CTNNA3: variants seen among roughly 807,000 people sequenced by gnomAD.
CTNNA3 encodes catenin alpha-3.
Under a neutral mutation model 95.7 loss-of-function variants are expected in CTNNA3, and 76 were observed. The ratio of observed to expected loss-of-function variants is 0.79; its 90% confidence interval spans 0.66 to 0.96. The LOEUF is 0.96. CTNNA3 is among the 40% of genes least tolerant of loss of function. The probability of loss-of-function intolerance (pLI) is 0.00; values close to 1 mark genes in which losing one functional copy is unlikely to be tolerated. For synonymous variants in CTNNA3, 431 were observed against 374.4 expected (o/e 1.15, Z -1.74); for missense variants, 1,191 against 1,089.8 (o/e 1.09, Z -1.31).
At chr10:66,659,177 A>C (rs545682038) in intron 9 of CTNNA3, among the ~76,000 whole-genome samples, 7 of 135,468 alleles carry the variant, frequency 5.2e-5, no homozygotes, top group Non-Finnish European at 7.7e-5. Context: ...AAAATAATTA[A>C]GAAAACACAC....
At chr10:67,744,954 A>G (rs1200777381) in intron 1 of CTNNA3, among the ~76,000 whole-genome samples, 4 of 152,118 alleles carry the variant, frequency 2.6e-5, no homozygotes, top group Non-Finnish European at 5.9e-5. Context: ...CAAAACCACA[A>G]TGAGATACCA....
chr10:66,588,458 C>A (rs545374411), intron 10 of CTNNA3, among the ~76,000 whole-genome samples: 59 of 152,042 alleles, frequency 3.9e-4, no homozygotes, highest in Non-Finnish European at 5.9e-4. Flanking sequence ...AACCACTGGG[C>A]CATTTTAAAT....
At chr10:67,400,207 A>G (rs984615994) in intron 5 of CTNNA3, among the ~76,000 whole-genome samples, 9 of 152,176 alleles carry the variant, frequency 5.9e-5, no homozygotes, top group Non-Finnish European at 1.2e-4. Flanking sequence ...CAAGATGCCA[A>G]TAAGAATTTT....
chr10:67,165,391 A>T (rs1861723387), intron 7 of CTNNA3, among the ~76,000 whole-genome samples: 1 of 152,126 alleles, frequency 6.6e-6, no homozygotes, highest in African/African-American at 2.4e-5. Context: ...GGCAGGTGTG[A>T]TTGGAAAGTG....
chr10:66,104,233 C>T (rs562072112), intron 13 of CTNNA3, among the ~76,000 whole-genome samples: 117 of 152,062 alleles, frequency 7.7e-4, no homozygotes, highest in Non-Finnish European at 1.0e-3. Flanking sequence ...GGCTGGATTC[C>T]CTGCCAAGTG....
At chr10:66,317,202 G>C (rs1025641405) in intron 12 of CTNNA3, among the ~76,000 whole-genome samples, 2 of 152,028 alleles carry the variant, frequency 1.3e-5, no homozygotes, top group African/African-American at 4.8e-5. Context: ...AAAATACAGA[G>C]AAAATGGTGA....
chr10:66,033,094 C>A (rs1444125504), intron 15 of CTNNA3, among the ~76,000 whole-genome samples: 4 of 151,498 alleles, frequency 2.6e-5, no homozygotes, highest in Non-Finnish European at 5.9e-5. Flanking sequence ...GGAAGTTACA[C>A]TGATTCAGCT....
intron 9 of CTNNA3, among the ~76,000 whole-genome samples, chr10:66,683,825 G>T (rs1214553932): frequency 2.6e-5 from 4 of 152,098 alleles, no homozygotes; most frequent in Admixed American, 6.6e-5. Flanking sequence ...AAGAAAGATG[G>T]GAAGTGTGAG....
chr10:66,621,393 G>T (rs547697714), intron 10 of CTNNA3, among the ~76,000 whole-genome samples: 1 of 151,956 alleles, frequency 6.6e-6, no homozygotes, highest in Non-Finnish European at 1.5e-5. Context: ...GGAGGCCGAG[G>T]TGGGCAGATC....
chr10:66,621,540 C>T (rs530423626), intron 10 of CTNNA3, 152 bp downstream of exon 10: 521 of 479,714 alleles, frequency 1.1e-3, no homozygotes, highest in Non-Finnish European at 1.7e-3. Flanking sequence ...TGCAGTCAGT[C>T]GAGATTGCGC....
At chr10:67,007,817 CAT>C (rs1350881604) in intron 7 of CTNNA3, among the ~76,000 whole-genome samples, 1 of 151,390 alleles carries the variant, frequency 6.6e-6, no homozygotes, top group Non-Finnish European at 1.5e-5. Flanking sequence ...TTACACATAA[CAT>C]AAAAACCATT....
chr10:66,076,648 A>G (rs1159091283), intron 14 of CTNNA3, among the ~76,000 whole-genome samples: 1 of 151,694 alleles, frequency 6.6e-6, no homozygotes, highest in Non-Finnish European at 1.5e-5. Flanking sequence ...TTATTATAAA[A>G]CTTTATAGGC....
chr10:66,447,507 C>A (rs1167023136), intron 11 of CTNNA3, among the ~76,000 whole-genome samples: 2 of 149,726 alleles, frequency 1.3e-5, no homozygotes, highest in Non-Finnish European at 3.0e-5. Flanking sequence ...ACAGAGCCCT[C>A]AGAAATAATG....
At chr10:66,348,165 C>T (rs1053600228) in intron 12 of CTNNA3, among the ~76,000 whole-genome samples, 1 of 152,088 alleles carries the variant, frequency 6.6e-6, no homozygotes, top group African/African-American at 2.4e-5. Flanking sequence ...CCTGTCTACT[C>T]TTTCTTCAGT....
intron 3 of CTNNA3, among the ~76,000 whole-genome samples, chr10:67,570,949 G>A (rs1841954746): frequency 6.6e-6 from 1 of 152,120 alleles, no homozygotes. Flanking sequence ...TGATAAATTT[G>A]GAATAAACCT....
intron 10 of CTNNA3, among the ~76,000 whole-genome samples, chr10:66,579,484 C>G (rs1741052097): frequency 6.6e-6 from 1 of 151,766 alleles, no homozygotes; most frequent in Non-Finnish European, 1.5e-5. Flanking sequence ...ACCACTATAA[C>G]TCTAAAGTAT....
At chr10:67,111,810 A>G (rs937871289) in intron 7 of CTNNA3, among the ~76,000 whole-genome samples, 1 of 152,130 alleles carries the variant, frequency 6.6e-6, no homozygotes, top group Non-Finnish European at 1.5e-5. Context: ...CAAAGTATCC[A>G]TCTAATTTAC....
At chr10:66,466,571 G>A (rs373917790) in intron 11 of CTNNA3, among the ~76,000 whole-genome samples, 1 of 151,900 alleles carries the variant, frequency 6.6e-6, no homozygotes, top group African/African-American at 2.4e-5. Context: ...CTGACCTTCT[G>A]GGTCAGTTTC....
intron 13 of CTNNA3, among the ~76,000 whole-genome samples, chr10:66,134,955 A>G (rs1261641399): frequency 6.6e-6 from 1 of 152,202 alleles, no homozygotes; most frequent in Non-Finnish European, 1.5e-5. Context: ...TGGTAATGGT[A>G]CTGGTAAAAT....
Sources: allele counts gnomAD v4.1 joint callset (sites outside exome capture counted in the v4.1 genomes callset), GRCh38; gene constraint gnomAD v4.1.1; transcripts MANE v1.5; gene names NCBI Gene and HGNC (gene_info 2026-07-23, HGNC 2026-07-21).